Variants in KPNA7 observed in about 807,000 individuals in gnomAD.
The protein encoded by KPNA7 is karyopherin subunit alpha 7.
KPNA7 carries 54 observed loss-of-function variants against 53.7 expected under a neutral mutation model. That is an observed-to-expected ratio of 1.01 (90% confidence interval 0.81 to 1.26). KPNA7 has a LOEUF of 1.26. KPNA7 is among the 50% of genes most tolerant of loss of function. The pLI, the probability that KPNA7 is intolerant of heterozygous loss-of-function variation, is 0.00. For synonymous variants in KPNA7, 276 were observed against 259.3 expected (o/e 1.06, Z -0.62); for missense variants, 640 against 644.5 (o/e 0.99, Z 0.07).
chr7:99,206,018 C>T (rs1790794302), intron 2 of KPNA7, among the ~76,000 whole-genome samples: 1 of 152,152 alleles, frequency 6.6e-6, no homozygotes, highest in African/African-American at 2.4e-5. Context: ...GTTCCAAGTC[C>T]TATTTCTACA....
intron 1 of KPNA7, among the ~76,000 whole-genome samples, chr7:99,217,312 C>G (rs1791240298): frequency 6.6e-6 from 1 of 152,202 alleles, no homozygotes; most frequent in South Asian, 2.1e-4. Flanking sequence ...TTTCTTTCAT[C>G]TGTACCTTGG....
At chr7:99,186,446 T>TA (rs969413024) in intron 7 of KPNA7, among the ~76,000 whole-genome samples, 1 of 152,126 alleles carries the variant, frequency 6.6e-6, no homozygotes, top group African/African-American at 2.4e-5. Flanking sequence ...CAGCTCCAAA[T>TA]AGGCCCCAGA....
At chr7:99,193,700 C>T (rs1191647805) in intron 5 of KPNA7, among the ~76,000 whole-genome samples, 3 of 150,868 alleles carry the variant, frequency 2.0e-5, no homozygotes, top group Admixed American at 1.3e-4. Flanking sequence ...GAGGGGGATA[C>T]AGGATCTCAC....
At chr7:99,213,479 T>C (rs1459218355) in intron 1 of KPNA7, among the ~76,000 whole-genome samples, 4 of 147,710 alleles carry the variant, frequency 2.7e-5, no homozygotes, top group Non-Finnish European at 5.9e-5. Flanking sequence ...AGAGTCTCAT[T>C]GTTGCCCAGG....
chr7:99,176,887 C>CA (rs374027724), intron 10 of KPNA7, among the ~76,000 whole-genome samples: 76 of 150,876 alleles, frequency 5.0e-4, no homozygotes, highest in African/African-American at 9.0e-4. Flanking sequence ...TCTTTACAAA[C>CA]AAAAAAAAAT....
At chr7:99,158,122 C>T in the KPNA7 span, among the ~76,000 whole-genome samples, 1 of 152,000 alleles carries the variant, frequency 6.6e-6, no homozygotes, top group African/African-American at 2.4e-5. Flanking sequence ...TGGCCTCAAG[C>T]GATCCTCCCA....
At chr7:99,164,621 CTT>C in the KPNA7 span, among the ~76,000 whole-genome samples, 2 of 88,456 alleles carry the variant, frequency 2.3e-5, no homozygotes, top group Non-Finnish European at 4.7e-5. Flanking sequence ...TACCCTAAAA[CTT>C]AAAGAATTTA....
upstream of KPNA7, among the ~76,000 whole-genome samples, chr7:99,209,637 C>T (rs76272901): frequency 0.069 from 8,765 of 126,158 alleles, 309 homozygotes; most frequent in Middle Eastern, 0.2. Context: ...GAGCCAAGAT[C>T]GCACCACTAC....
intron 1 of KPNA7, among the ~76,000 whole-genome samples, chr7:99,218,458 T>C (rs1257400109): frequency 6.6e-6 from 1 of 151,836 alleles, no homozygotes; most frequent in African/African-American, 2.4e-5. Context: ...GTCCCACAGG[T>C]GACAACATCC....
intron 7 of KPNA7, among the ~76,000 whole-genome samples, 178 bp from the exon 8 acceptor site, chr7:99,185,340 T>A (rs1270064241): frequency 1.3e-5 from 2 of 152,102 alleles, no homozygotes; most frequent in Non-Finnish European, 1.5e-5. Flanking sequence ...GCCTTTTAAT[T>A]TATTTTTTAT....
the KPNA7 span, among the ~76,000 whole-genome samples, chr7:99,163,834 C>A: frequency 6.6e-6 from 1 of 152,054 alleles, no homozygotes; most frequent in South Asian, 2.1e-4. Flanking sequence ...TCATTTTCTA[C>A]TCCTCATGGG....
In KPNA7 at chr7:99,177,969, C is replaced by T. The variant is rs181654876; in HGVS notation, c.1415G>A (p.Arg472His). 193 of 1,551,960 alleles carry T rather than the reference C, an allele frequency of 1.2e-4. No individual in the cohort carries two copies. In the Admixed American group the frequency reaches 2.3e-3, roughly 18 times the overall value. Residue 472 changes from arginine to histidine, a missense_variant, in exon 10 of 11, where the codon CGT (arginine) becomes CAT (histidine). Arg to His is a conservative substitution (Grantham distance 29). Coordinates refer to ENST00000327442, the MANE Select transcript of KPNA7 (RefSeq NM_001145715.3). The part of the protein sequence containing the change: ...RIEALQLHEN[R>H]QIGQSALNII... ...GTTCAAAGCCGACTGGCCAATTTGA[C>T]GGTTCTCATGCAGCTGTAAAGCCTC...
downstream of KPNA7, among the ~76,000 whole-genome samples, chr7:99,169,170 T>C (rs1207169781): frequency 1.3e-5 from 2 of 151,936 alleles, no homozygotes; most frequent in African/African-American, 4.8e-5. Context: ...AATAATTTTT[T>C]AAAATAATGT....
the KPNA7 span, among the ~76,000 whole-genome samples, chr7:99,166,320 C>T: frequency 6.6e-5 from 10 of 151,946 alleles, no homozygotes; most frequent in Non-Finnish European, 1.3e-4. Context: ...TAGGTCCTTT[C>T]CTTCCTCGTT....
At chr7:99,211,905 A>C (rs1444055503), upstream of KPNA7, among the ~76,000 whole-genome samples, 4 of 152,298 alleles carry the variant, frequency 2.6e-5, no homozygotes, top group Admixed American at 1.3e-4. Flanking sequence ...TCAAAGCCAG[A>C]GAGGTGGAGG....
chr7:99,207,966 G>C (rs1332256058), intron 1 of KPNA7, among the ~76,000 whole-genome samples, 62 bp downstream of exon 1: 1 of 151,732 alleles, frequency 6.6e-6, no homozygotes, highest in Non-Finnish European at 1.5e-5. Context: ...CAGAGAAGCT[G>C]AGTGAGAGTT....
chr7:99,212,582 C>T (rs1791104537), upstream of KPNA7, among the ~76,000 whole-genome samples: 1 of 151,798 alleles, frequency 6.6e-6, no homozygotes, highest in Non-Finnish European at 1.5e-5. Flanking sequence ...AATTCTGCCC[C>T]ATAAGGAAGC....
chr7:99,181,758 C>G, intron 9 of KPNA7, 125 bp downstream of exon 9: 1 of 816,758 alleles, frequency 1.2e-6, no homozygotes, highest in Non-Finnish European at 1.8e-6. Flanking sequence ...CCTCAAATTC[C>G]TGACCTCAGG....
chr7:99,215,519 G>A (rs965363381), intron 1 of KPNA7, among the ~76,000 whole-genome samples: 2 of 152,106 alleles, frequency 1.3e-5, no homozygotes, highest in African/African-American at 4.8e-5. Context: ...GAGGGTTGAA[G>A]GTTATAGAGC....
Sources: allele counts gnomAD v4.1 joint callset (sites outside exome capture counted in the v4.1 genomes callset), GRCh38; gene constraint gnomAD v4.1.1; transcripts MANE v1.5; gene names NCBI Gene and HGNC (gene_info 2026-07-23, HGNC 2026-07-21).